ZKSCAN8: variants seen among roughly 807,000 people sequenced by gnomAD.
The protein encoded by ZKSCAN8 is zinc finger with KRAB and SCAN domains 8.
A neutral mutation model predicts 57.2 loss-of-function variants in ZKSCAN8; 27 were observed. That is an observed-to-expected ratio of 0.47 (90% confidence interval 0.35 to 0.65). ZKSCAN8 has a LOEUF of 0.65. ZKSCAN8 is among the 30% of genes least tolerant of loss of function. ZKSCAN8 has a pLI of 0.01. For missense variants in ZKSCAN8, 597 were observed against 696.3 expected (o/e 0.86, Z 1.60); for synonymous variants, 214 against 248.7 (o/e 0.86, Z 1.31).
rs1404704432 is a variant in ZKSCAN8, at chr6:28,144,688, G to A, written c.-93+2659G>A. ...TTTGGACCATGTTAAAAATGCTTTG[G>A]TAGGAATGACAAATGGCAGGGGGAT... On this transcript the variant is annotated intron_variant, in intron 1 of 5. Transcript: ENST00000330236. The surrounding 1 kb of genome is among the most constrained non-coding windows in gnomAD (Gnocchi z 4.5). 6.6e-6 allele frequency among the ~76,000 whole-genome samples: 1 copy of A among 152,172 alleles called. No homozygotes were observed. The highest frequency in any genetic ancestry group is 1.5e-5 in the Non-Finnish European group (1 of 68,020).
At chr6:28,147,384 C>T (rs965418495) in intron 1 of ZKSCAN8, among the ~76,000 whole-genome samples, 1 of 152,064 alleles carries the variant, frequency 6.6e-6, no homozygotes. Context: ...AAAACAAAAA[C>T]AATATCAAGT....
At position 28,145,337 on chromosome 6, in the gene ZKSCAN8, G is replaced by C. The variant is rs77680334; in HGVS notation, c.-92-2979G>C. Among the ~76,000 whole-genome samples the C allele has an allele frequency of 3.8e-3, 574 of 152,262 alleles. 6 individuals carry two copies. Among genetic ancestry groups the C allele is most frequent in the African/African-American group, 0.013 (525 of 41,552 alleles). On this transcript the variant is annotated intron_variant, in intron 1 of 5. Transcript: ENST00000330236. ...GAGTAAAGAACTCTGTAGTAGAATGGAAGTATGAGAAAGCCACAGCCCAGA... is the reference window on the plus strand; with the variant it reads ...GAGTAAAGAACTCTGTAGTAGAATGCAAGTATGAGAAAGCCACAGCCCAGA...
At chr6:28,149,889 T>C (rs959982719) in intron 3 of ZKSCAN8, among the ~76,000 whole-genome samples, 1 of 152,144 alleles carries the variant, frequency 6.6e-6, no homozygotes, top group East Asian at 1.9e-4. Context: ...CATGTGCACA[T>C]TGTGCAGGTT....
chr6:28,153,474 A>T lies in ZKSCAN8; in HGVS notation c.1194A>T (p.Arg398Ser). 19 of 1,612,398 alleles carry T rather than the reference A, an allele frequency of 1.2e-5. No individual in the cohort carries two copies. Among genetic ancestry groups the T allele is most frequent in the Non-Finnish European group, 1.5e-5 (18 of 1,178,504 alleles). The change falls in exon 6 of 6, where the codon AGA becomes AGT. Residue 398 changes from arginine to serine, a missense_variant. Coordinates refer to ENST00000330236, the MANE Select transcript of ZKSCAN8 (RefSeq NM_006298.4). ...SQNTGLILHQ[R>S]IHTGEKPYQC... ...ACACAGGCCTGATTCTGCACCAGAG[A>T]ATCCACACTGGGGAGAAGCCATATC...
At chr6:28,147,758 C>T (rs1019847275) in intron 1 of ZKSCAN8, among the ~76,000 whole-genome samples, 2 of 152,046 alleles carry the variant, frequency 1.3e-5, no homozygotes, top group African/African-American at 2.4e-5. Flanking sequence ...TTGGAGGTCA[C>T]GTCCATAGTA....
intron 3 of ZKSCAN8, among the ~76,000 whole-genome samples, chr6:28,149,828 T>C (rs1173836108): frequency 1.3e-5 from 2 of 152,026 alleles, no homozygotes; most frequent in Non-Finnish European, 2.9e-5. Flanking sequence ...ATTTGACTTT[T>C]TTTTTTTTAA....
Position 28,156,796 on chromosome 6 carries a change from T to C in ZKSCAN8, c.*2779T>C, listed in dbSNP as rs1047174763. On this transcript the variant is annotated 3_prime_UTR_variant, in exon 6 of 6. Transcript: ENST00000330236. ...GGAACTGACATGATAAGGTGGTTCT[T>C]TCATAACTCTAATGCCATCCAACAT... is the stretch of plus-strand genomic sequence containing the variant. 3 of 152,218 alleles carry C rather than the reference T, an allele frequency of 2.0e-5. No individual in the cohort carries two copies. Among genetic ancestry groups the C allele is most frequent in the Non-Finnish European group, 4.4e-5 (3 of 68,036 alleles). 9.4% of individuals were successfully genotyped at this position (152,218 alleles called of 1,614,324 possible).
chr6:28,150,847 T>C (rs1255465358), intron 3 of ZKSCAN8, among the ~76,000 whole-genome samples: 1 of 152,102 alleles, frequency 6.6e-6, no homozygotes, highest in Non-Finnish European at 1.5e-5. Flanking sequence ...CACTCTGTCA[T>C]CCAGGCTGGA....
At position 28,153,319 on chromosome 6, in the gene ZKSCAN8, G is replaced by A. The variant is rs1436893173; in HGVS notation, c.1039G>A (p.Glu347Lys). 6.2e-7 allele frequency: 1 copy of A among 1,614,244 alleles called. No individual in the cohort carries two copies. The change falls in exon 6 of 6, where the codon GAG becomes AAG. Residue 347 changes from glutamate to lysine, a missense_variant. Transcript: ENST00000330236. ...TCGCCACTGGAGAATCCACACTGGGGAGAAACCCTATCAGTGTAATGTGTG... is the reference window on the plus strand; with the variant it reads ...TCGCCACTGGAGAATCCACACTGGGAAGAAACCCTATCAGTGTAATGTGTG... ...LVRHWRIHTG[E>K]KPYQCNVCGK...
Position 28,153,125 on chromosome 6 carries a change from A to G in ZKSCAN8, c.845A>G (p.His282Arg), listed in dbSNP as rs1357958237. The change falls in exon 6 of 6, where the codon CAT becomes CGT. Residue 282 changes from histidine to arginine, a missense_variant. Transcript: ENST00000330236. ...KQVISTGIQP[H>R]GETAAKCNGD... is the part of the protein sequence containing the mutation. ...GTAATATCTACTGGAATCCAGCCAC[A>G]TGGAGAGACAGCTGCCAAATGCAAC... The G allele has an allele frequency of 3.7e-6, 6 of 1,614,204 alleles. No individual in the cohort carries two copies. Among genetic ancestry groups the G allele is most frequent in the East Asian group, 2.2e-5 (1 of 44,876 alleles).
rs1339153642 is a variant in ZKSCAN8, at chr6:28,158,623, T to C, written c.*4606T>C. On this transcript the variant is annotated 3_prime_UTR_variant, in exon 6 of 6. Transcript: ENST00000330236. ...TGTCAGTCCAGTTTTTAATCAGTTT[T>C]CTCCTTGAGGCTTGATCTCCCATTT... 5 of 152,176 alleles carry C rather than the reference T, an allele frequency of 3.3e-5. No homozygotes were observed. Among genetic ancestry groups the C allele is most frequent in the Non-Finnish European group, 1.5e-5 (1 of 68,034 alleles). 9.4% of individuals were successfully genotyped at this position (152,176 alleles called of 1,614,324 possible).
intron 3 of ZKSCAN8, among the ~76,000 whole-genome samples, chr6:28,150,180 A>G (rs1338124626): frequency 6.6e-6 from 1 of 152,072 alleles, no homozygotes; most frequent in African/African-American, 2.4e-5. Flanking sequence ...CTGGCGTCAC[A>G]CTTTGTGGTT....
In ZKSCAN8 at chr6:28,149,529, T is replaced by TA; in HGVS notation, c.465dup (p.His156ThrfsTer16). On this transcript the variant is annotated frameshift_variant, in exon 3 of 6. Coordinates refer to ENST00000330236, the MANE Select transcript of ZKSCAN8 (RefSeq NM_006298.4). LOFTEE classifies it high-confidence loss of function. ...CATAGGGTACTCTGGGAGGAGGTAG[T>TA]ACATTCAGCATCTGCACCAGAGCCT... The TA allele has an allele frequency of 1.2e-6, 2 of 1,614,118 alleles. No homozygotes were observed. Among genetic ancestry groups the TA allele is most frequent in the Non-Finnish European group, 1.7e-6 (2 of 1,180,020 alleles).
rs1459978930 is a variant in ZKSCAN8 at position 28,148,710 on chromosome 6, C to T, written c.303C>T (p.Thr101=). 4 of 1,614,118 alleles carry T rather than the reference C, an allele frequency of 2.5e-6. No homozygotes were observed. Among genetic ancestry groups the T allele is most frequent in the Non-Finnish European group, 3.4e-6 (4 of 1,180,032 alleles). The change falls in exon 2 of 6, where the codon ACC becomes ACT. Residue 101 remains threonine (T), a synonymous_variant. Transcript: ENST00000330236. The part of the protein sequence containing the change: ...LELLVLEQFL[T]ILPEELQTLV... ...TGCTGGTGCTGGAGCAGTTCTTGAC[C>T]ATCCTACCTGAGGAGCTCCAGACAC...
Position 28,154,162 on chromosome 6 carries a change from T to G in ZKSCAN8, c.*145T>G. 7.2e-6 allele frequency: 9 copies of G among 1,257,012 alleles called. No individual in the cohort carries two copies. Among genetic ancestry groups the G allele is most frequent in the African/African-American group, 1.5e-5 (1 of 66,520 alleles). The allele number at this position is 1,257,012 out of a possible 1,614,324, so 77.9% of individuals were successfully genotyped here. A position where few individuals can be genotyped will look rare whatever the true frequency, so the allele number is the denominator to read the frequency against. On this transcript the variant is annotated 3_prime_UTR_variant, in exon 6 of 6. Coordinates refer to ENST00000330236, the MANE Select transcript of ZKSCAN8 (RefSeq NM_006298.4). ...AGTGGTGGCAAAGTTAGGATAGCTC[T>G]TTAGTAATTTGGGCCCAGTGCCTTG...
Position 28,154,023 on chromosome 6 carries a change from ACAT to A in ZKSCAN8, c.*9_*11del, listed in dbSNP as rs1287750739. 1 of 1,579,118 alleles carries A rather than the reference ACAT, an allele frequency of 6.3e-7. No homozygotes were observed. The highest frequency in any genetic ancestry group is 2.2e-5 in the East Asian group (1 of 44,698). On this transcript the variant is annotated 3_prime_UTR_variant, in exon 6 of 6. Transcript: ENST00000330236. ...CTGAATCCATAAGCGTTTAGGAACA[ACAT>A]CAGTTAGAGTTTGAGCATTATTCAG...
rs1363744534 is a variant in ZKSCAN8, at chr6:28,153,132, G to A, written c.852G>A (p.Glu284=). The A allele has an allele frequency of 6.2e-7, 1 of 1,614,152 alleles. No individual in the cohort carries two copies. Among genetic ancestry groups the A allele is most frequent in the Non-Finnish European group, 8.5e-7 (1 of 1,180,030 alleles). Reference sequence around the variant, plus strand: ...CTACTGGAATCCAGCCACATGGAGAGACAGCTGCCAAATGCAACGGGGATG... The same window carrying A: ...CTACTGGAATCCAGCCACATGGAGAAACAGCTGCCAAATGCAACGGGGATG... ...VISTGIQPHG[E]TAAKCNGDVI... Residue 284 remains glutamate, a synonymous_variant, in exon 6 of 6, where the codon GAG becomes GAA. Transcript: ENST00000330236.
intron 1 of ZKSCAN8, among the ~76,000 whole-genome samples, chr6:28,143,474 A>G (rs1184145167): frequency 2.0e-5 from 3 of 152,204 alleles, no homozygotes; most frequent in Non-Finnish European, 2.9e-5. Flanking sequence ...TGCGCACTTC[A>G]CATTAAAATA....
At position 28,153,069 on chromosome 6, in the gene ZKSCAN8, G is replaced by A. The variant is rs143056841; in HGVS notation, c.789G>A (p.Arg263=). Residue 263 remains arginine, a synonymous_variant, in exon 6 of 6, where the codon AGG becomes AGA. Coordinates refer to ENST00000330236, the MANE Select transcript of ZKSCAN8 (RefSeq NM_006298.4). ...RNMFSLGGET[R]SENRELASKQ... is the part of the protein sequence containing the mutation. ...TTTTTATTTCAGGTGGTGAGACCAG[G>A]AGTGAGAACAGGGAATTAGCTTCAA... 38 of 1,614,046 alleles carry A rather than the reference G, an allele frequency of 2.4e-5. 1 individual carries two copies. In the East Asian group the frequency reaches 8.5e-4, roughly 36 times the overall value.
Sources: gnomAD v4.1 joint callset for allele counts (sites outside exome capture counted in the v4.1 genomes callset) on GRCh38, gnomAD v4.1.1 for gene constraint, Gnocchi (gnomAD v3.1) non-coding constraint, MANE v1.5 for transcripts, NCBI Gene and HGNC (gene_info 2026-07-23, HGNC 2026-07-21) for gene names.